The following RYR2 variants were observed in gnomAD, a reference collection of about 807,000 sequenced individuals.
The protein encoded by RYR2 is ryanodine receptor 2, also known as cardiac muscle ryanodine receptor-calcium release channel.
In RYR2, 227 loss-of-function variants were observed where a neutral mutation model predicts 601.1. That is an observed-to-expected ratio of 0.38 (90% CI 0.34 to 0.42). The LOEUF is 0.42. RYR2 is among the 10% of genes least tolerant of loss of function. The pLI is 1.00. For synonymous variants in RYR2, 2,223 were observed against 2,175.1 expected, an observed-to-expected ratio of 1.02 and a Z score of -0.61; for missense variants, 4,646 against 6,156.5, an observed-to-expected ratio of 0.75 and a Z score of 8.21.
At chr1:237,075,200 GC>G (rs1261124825) in intron 1 of RYR2, among the ~76,000 whole-genome samples, 2 of 152,008 alleles carry the variant, frequency 1.3e-5, no homozygotes, top group African/African-American at 4.8e-5. Context: ...TTTGGCCCAT[GC>G]ATTTTTCTCT....
intron 17 of RYR2, among the ~76,000 whole-genome samples, chr1:237,478,351 T>C (rs1025709319): frequency 6.6e-6 from 1 of 152,204 alleles, no homozygotes; most frequent in African/African-American, 2.4e-5. Flanking sequence ...TCCCGTTTTT[T>C]AACCTGTCAA....
chr1:237,784,945 C>A lies in RYR2; in HGVS notation c.13233C>A (p.Pro4411=). 6.2e-7 allele frequency: 1 copy of A among 1,601,232 alleles called. No homozygotes were observed. The highest frequency in any genetic ancestry group is 1.1e-5 in the South Asian group (1 of 89,098). The change falls in exon 90 of 105, where the codon CCC becomes CCA. Residue 4411 remains proline (P), a synonymous_variant. Coordinates refer to ENST00000366574, the MANE Select transcript of RYR2 (RefSeq NM_001035.3). This position sits in a 1 kb window ranked among gnomAD's most constrained non-coding sequence, Gnocchi z 7.1. ...GLSDLMSNPV[P]MPEVQEKFQE... is the part of the protein sequence containing the mutation. ...GTGACCTCATGAGCAACCCAGTCCC[C>A]ATGCCTGAGGTGCAGGAAAAATTTC...
chr1:237,527,940 T>C (rs2147917880), intron 24 of RYR2, among the ~76,000 whole-genome samples: 1 of 152,344 alleles, frequency 6.6e-6, no homozygotes, highest in Non-Finnish European at 1.5e-5. Context: ...CTGCCCAGGA[T>C]GCGAATCATC....
intron 16 of RYR2, among the ~76,000 whole-genome samples, chr1:237,457,776 A>C (rs1333560055): frequency 6.6e-6 from 1 of 152,194 alleles, no homozygotes; most frequent in Non-Finnish European, 1.5e-5. Context: ...AATTTGCAAG[A>C]TGTGCAAAAA....
At chr1:237,195,267 C>T (rs1171680876) in intron 1 of RYR2, among the ~76,000 whole-genome samples, 1 of 152,142 alleles carries the variant, frequency 6.6e-6, no homozygotes, top group Non-Finnish European at 1.5e-5. Flanking sequence ...TATCTCGGCA[C>T]TTAGCAATAA....
rs1438792084 is a variant in RYR2, at chr1:237,550,568, C to T, written c.3091C>T (p.Arg1031Cys). 2 of 1,609,130 alleles carry T rather than the reference C, an allele frequency of 1.2e-6. No individual in the cohort carries two copies. The highest frequency in any genetic ancestry group is 1.7e-6 in the Non-Finnish European group (2 of 1,177,794). ...GGACGTAAAGAACAGAAGAAATCCT[C>T]GCCTTGTTCCCTACACTCTTCTGGA... Reference protein sequence around the residue: ...QQDVKNRRNPRLVPYTLLDDR... With the variant: ...QQDVKNRRNPCLVPYTLLDDR... The change falls in exon 27 of 105, where the codon CGC becomes TGC. Residue 1031 changes from arginine (R) to cysteine (C), a missense_variant. By Grantham distance (180) the Arg-to-Cys change is radical. Transcript: ENST00000366574.
chr1:237,781,731 G>GAA (rs1695128307), intron 89 of RYR2, 85 bp downstream of exon 89: 1 of 608,888 alleles, frequency 1.6e-6, no homozygotes, highest in African/African-American at 1.9e-5. Context: ...GTGTAGCATA[G>GAA]AATAAAATAG....
At chr1:237,587,046 A>C (rs148081111) in intron 29 of RYR2, among the ~76,000 whole-genome samples, 1 of 152,060 alleles carries the variant, frequency 6.6e-6, no homozygotes, top group African/African-American at 2.4e-5. Flanking sequence ...TTTGTATGTT[A>C]TTAGACCACG....
chr1:237,279,550 GTGTT>G (rs1690643956), intron 2 of RYR2, among the ~76,000 whole-genome samples: 1 of 152,144 alleles, frequency 6.6e-6, no homozygotes, highest in Non-Finnish European at 1.5e-5. Flanking sequence ...TAGTTTTTAA[GTGTT>G]TGAGAATGAT....
intron 1 of RYR2, among the ~76,000 whole-genome samples, chr1:237,122,794 C>CA (rs1456775983): frequency 3.9e-5 from 6 of 152,160 alleles, no homozygotes; most frequent in Non-Finnish European, 8.8e-5. Context: ...CTCCAGGGTA[C>CA]TACTTTTTGT....
chr1:237,693,705 G>A (rs1166658235), intron 63 of RYR2, among the ~76,000 whole-genome samples: 1 of 152,162 alleles, frequency 6.6e-6, no homozygotes, highest in Non-Finnish European at 1.5e-5. Context: ...TTTTCTAGGT[G>A]AGTATGCCTG....
At chr1:237,356,605 A>G (rs1699318598) in intron 4 of RYR2, among the ~76,000 whole-genome samples, 1 of 152,110 alleles carries the variant, frequency 6.6e-6, no homozygotes, top group Non-Finnish European at 1.5e-5. Context: ...CCATGTAGAA[A>G]AACGCAGTTA....
intron 1 of RYR2, among the ~76,000 whole-genome samples, chr1:237,196,545 G>A (rs990519627): frequency 1.3e-5 from 2 of 152,098 alleles, no homozygotes; most frequent in African/African-American, 4.8e-5. Flanking sequence ...CATATTGATA[G>A]TGATTTATTG....
At chr1:237,465,031 A>G (rs1164807680) in intron 16 of RYR2, among the ~76,000 whole-genome samples, 2 of 151,998 alleles carry the variant, frequency 1.3e-5, no homozygotes, top group Admixed American at 1.3e-4. Flanking sequence ...TAATTCACAG[A>G]CTCCATTTAT....
Position 237,566,673 on chromosome 1 carries a change from G to C in RYR2, c.3321G>C (p.Thr1107=), listed in dbSNP as rs377716608. Residue 1107 remains threonine (T), a synonymous_variant, in exon 28 of 105, where the codon ACG becomes ACC. Transcript: ENST00000366574. ...GACGGTGGTATTTTGAATTTGAGAC[G>C]GTCACTGCTGGAGACATGAGGGTTG... ...KAGRWYFEFE[T]VTAGDMRVGW... The C allele has an allele frequency of 5.6e-6, 9 of 1,613,756 alleles. No individual in the cohort carries two copies. The highest frequency in any genetic ancestry group is 6.8e-6 in the Non-Finnish European group (8 of 1,179,864).
At chr1:237,274,400 A>C (rs1690049848) in intron 2 of RYR2, among the ~76,000 whole-genome samples, 1 of 145,336 alleles carries the variant, frequency 6.9e-6, no homozygotes. Context: ...TTAACAAAAA[A>C]GTTTAAAAAG....
intron 84 of RYR2, among the ~76,000 whole-genome samples, chr1:237,763,891 A>G (rs964799193): frequency 2.0e-5 from 3 of 152,214 alleles, no homozygotes; most frequent in Non-Finnish European, 2.9e-5. Flanking sequence ...AAAAAAGCCT[A>G]CATACACTCA....
At chr1:237,462,816 C>G (rs1659630605) in intron 16 of RYR2, among the ~76,000 whole-genome samples, 1 of 152,124 alleles carries the variant, frequency 6.6e-6, no homozygotes, top group Non-Finnish European at 1.5e-5. Context: ...CGGTGTTATT[C>G]TAGTGTTTGT....
chr1:237,585,045 T>C (rs1254114320), intron 29 of RYR2, among the ~76,000 whole-genome samples: 1 of 152,162 alleles, frequency 6.6e-6, no homozygotes. Context: ...CCTGCTGTTT[T>C]AAGTAAACTT....
Sources: gnomAD v4.1 joint callset for allele counts (sites outside exome capture counted in the v4.1 genomes callset) on GRCh38, gnomAD v4.1.1 for gene constraint, Gnocchi (gnomAD v3.1) non-coding constraint, MANE v1.5 for transcripts, NCBI Gene and HGNC (gene_info 2026-07-23, HGNC 2026-07-21) for gene names.